The following PICALM variants were observed in gnomAD, a reference collection of about 807,000 sequenced individuals.
PICALM encodes the protein phosphatidylinositol-binding clathrin assembly protein.
Under a neutral mutation model 80.5 loss-of-function variants are expected in PICALM, and 40 were observed. That is an observed-to-expected ratio of 0.50 (90% CI 0.39 to 0.65). The LOEUF (loss-of-function observed/expected upper bound fraction) is 0.65. Ranked by LOEUF, PICALM falls within the 30% of genes least tolerant of loss-of-function variation. PICALM has a pLI of 0.00. For missense variants in PICALM, 676 were observed against 778.9 expected (o/e 0.87, Z 1.57); for synonymous variants, 288 against 260.3 (o/e 1.11, Z -1.02).
intron 4 of PICALM, 67 bp from the exon 5 acceptor site, chr11:86,015,030 C>G: frequency 1.1e-6 from 1 of 914,226 alleles, no homozygotes; most frequent in Non-Finnish European, 1.7e-6. Context: ...CAAACTCCCC[C>G]CCTGGTTTTC....
At chr11:86,007,423 A>G (rs1165223224) in intron 8 of PICALM, 119 bp downstream of exon 8, 1 of 639,544 alleles carries the variant, frequency 1.6e-6, no homozygotes, top group East Asian at 3.1e-5. Context: ...CAAAATGTTA[A>G]AACTGGTCAA....
intron 19 of PICALM, among the ~76,000 whole-genome samples, chr11:85,959,991 A>C (rs1473412856): frequency 1.3e-5 from 2 of 152,206 alleles, no homozygotes; most frequent in Non-Finnish European, 2.9e-5. Flanking sequence ...ATAAGCACAA[A>C]TACCACAAGC....
intron 12 of PICALM, among the ~76,000 whole-genome samples, chr11:85,992,156 T>C (rs1022284345): frequency 1.3e-5 from 2 of 152,112 alleles, no homozygotes; most frequent in East Asian, 3.9e-4. Context: ...TGGTTTTTAG[T>C]ACTAAAAATA....
At chr11:86,033,100 A>G (rs763251468) in intron 1 of PICALM, among the ~76,000 whole-genome samples, 4 of 152,226 alleles carry the variant, frequency 2.6e-5, no homozygotes, top group Non-Finnish European at 4.4e-5. Context: ...GCATGCTTCA[A>G]CTTCTGAGAG....
intron 19 of PICALM, among the ~76,000 whole-genome samples, chr11:85,974,254 A>G (rs2135543835): frequency 6.6e-6 from 1 of 152,304 alleles, no homozygotes; most frequent in South Asian, 2.1e-4. Context: ...GCAGAAAGTT[A>G]TCTAACGAAA....
chr11:86,047,257 T>C, intron 1 of PICALM, among the ~76,000 whole-genome samples: 1 of 152,246 alleles, frequency 6.6e-6, no homozygotes, highest in East Asian at 1.9e-4. Context: ...GTGTTGTGTT[T>C]AGTTCTCACA....
intron 17 of PICALM, among the ~76,000 whole-genome samples, chr11:85,977,265 GCTTT>G (rs1330684891): frequency 6.6e-6 from 1 of 152,140 alleles, no homozygotes; most frequent in African/African-American, 2.4e-5. Flanking sequence ...ATGTACGTTA[GCTTT>G]CTAATTTATT....
At chr11:86,013,482 T>C (rs2136314504) in intron 5 of PICALM, among the ~76,000 whole-genome samples, 1 of 151,908 alleles carries the variant, frequency 6.6e-6, no homozygotes. Context: ...GGTTTACAAA[T>C]AGAAACACAC....
At chr11:86,045,114 T>C (rs2096048882) in intron 1 of PICALM, among the ~76,000 whole-genome samples, 1 of 152,166 alleles carries the variant, frequency 6.6e-6, no homozygotes, top group Non-Finnish European at 1.5e-5. Flanking sequence ...ACTCTCTAAG[T>C]GGAAAATATG....
At chr11:86,066,933 T>C (rs1020549712) in intron 1 of PICALM, among the ~76,000 whole-genome samples, 1 of 152,324 alleles carries the variant, frequency 6.6e-6, no homozygotes. Flanking sequence ...TTTAAAAAGT[T>C]TTCTGTTCAT....
At chr11:86,004,629 G>T (rs192252446) in intron 8 of PICALM, among the ~76,000 whole-genome samples, 1 of 151,952 alleles carries the variant, frequency 6.6e-6, no homozygotes. Flanking sequence ...AGAACTGTCC[G>T]CTCTAAGTGA....
At position 85,974,483 on chromosome 11, in the gene PICALM, T is replaced by C. The variant is rs770566224; in HGVS notation, c.1944+225A>G. 46 of 647,328 alleles carry C rather than the reference T, an allele frequency of 7.1e-5. No individual in the cohort carries two copies. The Admixed American group carries it at 8.0e-4, about 11-fold the overall frequency. The allele number at this position is 647,328 out of a possible 1,614,324, so 40.1% of individuals were successfully genotyped here. Reference sequence around the variant, plus strand: ...TCCTTTGGATCTACCAACTATAAGTTACCAAGAATTTTCTGTCTTTAGTAT... The same window carrying C: ...TCCTTTGGATCTACCAACTATAAGTCACCAAGAATTTTCTGTCTTTAGTAT... On this transcript the variant is annotated intron_variant, in intron 19 of 19. Coordinates refer to ENST00000393346, the MANE Select transcript of PICALM (RefSeq NM_007166.4).
At chr11:85,993,278 G>A (rs2094850890) in intron 12 of PICALM, among the ~76,000 whole-genome samples, 1 of 151,994 alleles carries the variant, frequency 6.6e-6, no homozygotes, top group African/African-American at 2.4e-5. Context: ...GTAGAGGCAA[G>A]GTCTTGCCAT....
At chr11:85,989,533 G>A (rs1396505818) in intron 13 of PICALM, among the ~76,000 whole-genome samples, 1 of 152,136 alleles carries the variant, frequency 6.6e-6, no homozygotes, top group Non-Finnish European at 1.5e-5. Flanking sequence ...AGCAGAGTTA[G>A]CATCTTTTTC....
At chr11:86,017,802 A>T (rs2095503911) in intron 4 of PICALM, among the ~76,000 whole-genome samples, 1 of 152,238 alleles carries the variant, frequency 6.6e-6, no homozygotes. Context: ...GTAATAAAAT[A>T]TCCTTGTTTT....
intron 13 of PICALM, among the ~76,000 whole-genome samples, chr11:85,988,429 A>G (rs182035920): frequency 6.6e-6 from 1 of 152,332 alleles, no homozygotes; most frequent in Non-Finnish European, 1.5e-5. Flanking sequence ...TTTAAGAAAA[A>G]AAAAATCCTT....
At position 86,037,283 on chromosome 11, in the gene PICALM, G is replaced by A. The variant is rs1397803557; in HGVS notation, c.131-5672C>T. Among the ~76,000 whole-genome samples the A allele has an allele frequency of 1.0e-4, 12 of 114,468 alleles. 1 individual carries two copies. The highest frequency in any genetic ancestry group is 3.2e-4 in the African/African-American group (9 of 28,130). 75.1% of individuals were successfully genotyped at this position (114,468 alleles called of 152,430 possible). On this transcript the variant is annotated intron_variant, in intron 1 of 19. Transcript: ENST00000393346. Reference sequence around the variant, plus strand: ...AATTTTTTTTTTTTTTTTTTGAGACGGAGTCTCACTCTATCGCCCAGGCTG... The same window carrying A: ...AATTTTTTTTTTTTTTTTTTGAGACAGAGTCTCACTCTATCGCCCAGGCTG...
intron 7 of PICALM, among the ~76,000 whole-genome samples, chr11:86,007,934 C>T (rs1225862691): frequency 6.6e-6 from 1 of 151,508 alleles, no homozygotes; most frequent in Non-Finnish European, 1.5e-5. Flanking sequence ...GAAAGCCTGA[C>T]CATGAACAAG....
chr11:85,960,718 G>GA, intron 19 of PICALM: 1 of 1,320,152 alleles, frequency 7.6e-7, no homozygotes, highest in Non-Finnish European at 9.9e-7. Flanking sequence ...GCTCTGCAAA[G>GA]GGGTCCTTTC....
Sources: allele counts gnomAD v4.1 joint callset (sites outside exome capture counted in the v4.1 genomes callset), GRCh38; gene constraint gnomAD v4.1.1; transcripts MANE v1.5; gene names NCBI Gene and HGNC (gene_info 2026-07-23, HGNC 2026-07-21).